BCAS3: variants seen among roughly 807,000 people sequenced by gnomAD.
The protein encoded by BCAS3 is BCAS4/BCAS3 fusion.
A neutral mutation model predicts 116.1 loss-of-function variants in BCAS3; 53 were observed. The observed-to-expected ratio is 0.46, with a 90% CI of 0.37 to 0.57. The LOEUF (loss-of-function observed/expected upper bound fraction) is 0.57, where lower values mean the gene tolerates loss of function less well. BCAS3 is among the 20% of genes least tolerant of loss of function. The pLI, the probability that BCAS3 is intolerant of heterozygous loss-of-function variation, is 0.00. For missense variants in BCAS3, 917 were observed against 1,165.4 expected, an observed-to-expected ratio of 0.79 and a Z score of 3.10; for synonymous variants, 391 against 408.2, an observed-to-expected ratio of 0.96 and a Z score of 0.51.
At chr17:60,971,381 A>G (rs2061950262) in intron 14 of BCAS3, among the ~76,000 whole-genome samples, 1 of 152,216 alleles carries the variant, frequency 6.6e-6, no homozygotes, top group South Asian at 2.1e-4. Flanking sequence ...CTCTATACTC[A>G]GTTCTCCTGC....
At position 61,140,818 on chromosome 17, in the gene BCAS3, C is replaced by T. The variant is rs538590663; in HGVS notation, c.2425+56254C>T. Among the ~76,000 whole-genome samples the T allele has an allele frequency of 6.6e-6, 1 of 152,086 alleles. No individual in the cohort carries two copies. Among genetic ancestry groups the T allele is most frequent in the Admixed American group, 6.5e-5 (1 of 15,274 alleles). ...TGACTCTATGACTTTGGGCACATTA[C>T]AGATTGTAATGTAGTGGATTGATGG... On this transcript the variant is annotated intron_variant, in intron 22 of 23. Transcript: ENST00000407086. The surrounding 1 kb of genome is among the most constrained non-coding windows in gnomAD (Gnocchi z 4.2).
chr17:60,761,900 A>C (rs1038398627), intron 6 of BCAS3, among the ~76,000 whole-genome samples: 1 of 149,278 alleles, frequency 6.7e-6, no homozygotes, highest in Non-Finnish European at 1.5e-5. Flanking sequence ...TTGCCATTCT[A>C]ATTCGTGTGA....
intron 14 of BCAS3, among the ~76,000 whole-genome samples, chr17:60,968,216 A>AT (rs1483420249): frequency 3.3e-5 from 5 of 151,066 alleles, no homozygotes; most frequent in African/African-American, 7.3e-5. Flanking sequence ...TGCTTAGTGC[A>AT]TTTTTTTTAA....
At position 61,136,268 on chromosome 17, in the gene BCAS3, G is replaced by C. The variant is rs1163093099; in HGVS notation, c.2425+51704G>C. ...ACTTAAGCATCCCCTCTTCTTCTCTGCACCTGGAGCATCTTGGACATAGCT... is the reference window on the plus strand; with the variant it reads ...ACTTAAGCATCCCCTCTTCTTCTCTCCACCTGGAGCATCTTGGACATAGCT... On this transcript the variant is annotated intron_variant, in intron 22 of 23. Transcript: ENST00000407086. The surrounding 1 kb of genome is among the most constrained non-coding windows in gnomAD (Gnocchi z 4.4). Among the ~76,000 whole-genome samples the C allele has an allele frequency of 6.6e-6, 1 of 151,676 alleles. No individual in the cohort carries two copies. The highest frequency in any genetic ancestry group is 1.5e-5 in the Non-Finnish European group (1 of 68,020).
intron 9 of BCAS3, among the ~76,000 whole-genome samples, chr17:60,876,438 A>G (rs901374069): frequency 3.9e-5 from 6 of 151,972 alleles, no homozygotes; most frequent in Non-Finnish European, 4.4e-5. Flanking sequence ...TAATTCTTAT[A>G]TGAAATCTTT....
chr17:60,779,086 C>T (rs1200261340), intron 6 of BCAS3, among the ~76,000 whole-genome samples: 1 of 152,084 alleles, frequency 6.6e-6, no homozygotes, highest in East Asian at 1.9e-4. Context: ...ACAGGTTGAG[C>T]ATTCCTAATC....
rs1311940635 is a variant in BCAS3 at position 61,013,445 on chromosome 17, T to G, written c.1487-2306T>G. ...GATTTTATAATTATTTACATCTATATTGGCCTTGAGAGTGTGATAATAAAT... is the reference window on the plus strand; with the variant it reads ...GATTTTATAATTATTTACATCTATAGTGGCCTTGAGAGTGTGATAATAAAT... On this transcript the variant is annotated intron_variant, in intron 15 of 23. Coordinates refer to ENST00000407086, the MANE Select transcript of BCAS3 (RefSeq NM_017679.5). The surrounding 1 kb of genome is among the most constrained non-coding windows in gnomAD (Gnocchi z 4.4). 1.3e-5 allele frequency among the ~76,000 whole-genome samples: 2 copies of G among 152,144 alleles called. No homozygotes were observed. Among genetic ancestry groups the G allele is most frequent in the African/African-American group, 2.4e-5 (1 of 41,452 alleles).
At chr17:60,757,056 G>A (rs547759737) in intron 6 of BCAS3, among the ~76,000 whole-genome samples, 2 of 152,006 alleles carry the variant, frequency 1.3e-5, no homozygotes, top group Non-Finnish European at 2.9e-5. Context: ...GCAGCTACTC[G>A]GGAGGCTGAG....
chr17:61,067,988 A>G (rs1055940701), intron 19 of BCAS3, among the ~76,000 whole-genome samples: 5 of 152,202 alleles, frequency 3.3e-5, no homozygotes, highest in South Asian at 2.1e-4. Context: ...TATTCTCTAA[A>G]GTAAATTGAT....
intron 19 of BCAS3, among the ~76,000 whole-genome samples, chr17:61,053,106 T>G (rs2069037192): frequency 6.6e-6 from 1 of 152,174 alleles, no homozygotes; most frequent in African/African-American, 2.4e-5. Flanking sequence ...TGGCCTTCAC[T>G]TACATTTTGT....
intron 4 of BCAS3, among the ~76,000 whole-genome samples, chr17:60,698,462 A>C (rs543246961): frequency 6.6e-6 from 1 of 152,052 alleles, no homozygotes; most frequent in African/African-American, 2.4e-5. Flanking sequence ...TGGGCAACAC[A>C]GTGAAACTCT....
chr17:61,232,511 A>G (rs1466365477), intron 22 of BCAS3, among the ~76,000 whole-genome samples: 1 of 152,138 alleles, frequency 6.6e-6, no homozygotes. Context: ...TGTTGTATTC[A>G]TGGCAGTTCG....
Position 61,217,411 on chromosome 17 carries a change from C to T in BCAS3, c.2425+132847C>T, listed in dbSNP as rs1443709466. On this transcript the variant is annotated intron_variant, in intron 22 of 23. Transcript: ENST00000407086. The surrounding 1 kb of genome is among the most constrained non-coding windows in gnomAD (Gnocchi z 5.2). ...TTCCCCAGCTGGATGATTTCCAGTCCTTACAATGGTTTGGAAGCATTTGGT... is the reference window on the plus strand; with the variant it reads ...TTCCCCAGCTGGATGATTTCCAGTCTTTACAATGGTTTGGAAGCATTTGGT... Among the ~76,000 whole-genome samples, 13 of 152,136 alleles carry T rather than the reference C, an allele frequency of 8.5e-5. No individual in the cohort carries two copies. The highest frequency in any genetic ancestry group is 5.9e-4 in the Admixed American group (9 of 15,274).
At position 61,034,744 on chromosome 17, in the gene BCAS3, A is replaced by T; in HGVS notation, c.1716A>T (p.Thr572=). 1 of 1,613,384 alleles carries T rather than the reference A, an allele frequency of 6.2e-7. No individual in the cohort carries two copies. Among genetic ancestry groups the T allele is most frequent in the South Asian group, 1.1e-5 (1 of 90,974 alleles). Reference sequence around the variant, plus strand: ...TTTGTGTGGCTGCTATCTTCGGAACATCCAGGTCATGGTTTGCAAATAATG... The same window carrying T: ...TTTGTGTGGCTGCTATCTTCGGAACTTCCAGGTCATGGTTTGCAAATAATG... ...GEFCVAAIFG[T]SRSWFANNAG... The change falls in exon 17 of 24, where the codon ACA becomes ACT. Residue 572 remains threonine, a synonymous_variant. Coordinates refer to ENST00000407086, the MANE Select transcript of BCAS3 (RefSeq NM_017679.5). The surrounding 1 kb of genome is among the most constrained non-coding windows in gnomAD (Gnocchi z 5.0).
chr17:61,148,643 G>T (rs141452901), intron 22 of BCAS3, among the ~76,000 whole-genome samples: 2 of 152,148 alleles, frequency 1.3e-5, no homozygotes, highest in African/African-American at 4.8e-5. Context: ...TGCATTGTAT[G>T]TTCCACTCCA....
chr17:61,341,458 T>A (rs908337715), intron 22 of BCAS3, among the ~76,000 whole-genome samples: 1 of 152,160 alleles, frequency 6.6e-6, no homozygotes, highest in Non-Finnish European at 1.5e-5. Context: ...TCAGTAACCC[T>A]TCAAGTGGAG....
rs560801079 is a variant in BCAS3, at chr17:61,194,101, A to G, written c.2425+109537A>G. 3.4e-4 allele frequency among the ~76,000 whole-genome samples: 51 copies of G among 152,144 alleles called. 1 individual carries two copies. The highest frequency in any genetic ancestry group is 1.2e-3 in the African/African-American group (51 of 41,500). Reference sequence around the variant, plus strand: ...CACTGCACTCCAGCCTGGGTGACAGAGCGAGACCCTGTCTCAGAAAAAGAA... The same window carrying G: ...CACTGCACTCCAGCCTGGGTGACAGGGCGAGACCCTGTCTCAGAAAAAGAA... On this transcript the variant is annotated intron_variant, in intron 22 of 23. Coordinates refer to ENST00000407086, the MANE Select transcript of BCAS3 (RefSeq NM_017679.5).
intron 6 of BCAS3, among the ~76,000 whole-genome samples, chr17:60,758,280 T>TA (rs1229460552): frequency 6.6e-6 from 1 of 152,198 alleles, no homozygotes; most frequent in Non-Finnish European, 1.5e-5. Flanking sequence ...TCTAATTATG[T>TA]AAAAAATGAC....
intron 22 of BCAS3, among the ~76,000 whole-genome samples, chr17:61,093,387 G>A (rs773942055): frequency 4.6e-5 from 7 of 152,128 alleles, no homozygotes; most frequent in African/African-American, 7.2e-5. Context: ...AGGAGTTTGA[G>A]ACCAGCCTGG....
Sources: allele counts gnomAD v4.1 joint callset (sites outside exome capture counted in the v4.1 genomes callset), GRCh38; gene constraint gnomAD v4.1.1; non-coding constraint Gnocchi (gnomAD v3.1); transcripts MANE v1.5; gene names NCBI Gene and HGNC (gene_info 2026-07-23, HGNC 2026-07-21).